The following STK32A variants were observed in gnomAD, a reference collection of about 807,000 sequenced individuals.
STK32A encodes serine/threonine-protein kinase 32A.
STK32A carries 41 observed loss-of-function variants against 53.2 expected under a neutral mutation model. The ratio of observed to expected loss-of-function variants is 0.77; its 90% CI spans 0.60 to 1.00. The LOEUF is 1.00. Ranked by LOEUF, STK32A falls within the 50% of genes least tolerant of loss-of-function variation. The probability of loss-of-function intolerance (pLI) is 0.00; values close to 1 mark genes in which losing one functional copy is unlikely to be tolerated. For synonymous variants in STK32A, 166 were observed against 162.8 expected, an observed-to-expected ratio of 1.02 and a Z score of -0.15; for missense variants, 458 against 485.8, an observed-to-expected ratio of 0.94 and a Z score of 0.54.
intron 12 of STK32A, 23 bp downstream of exon 12, chr5:147,383,528 A>G (rs1318885951): frequency 1.9e-6 from 3 of 1,551,746 alleles, no homozygotes; most frequent in Admixed American, 1.9e-5. Context: ...TGGGAGAACA[A>G]CAGCCCCAGA....
the STK32A span, among the ~76,000 whole-genome samples, chr5:147,394,331 C>T: frequency 6.6e-6 from 1 of 152,158 alleles, no homozygotes; most frequent in African/African-American, 2.4e-5. Context: ...TAGGAAAAGC[C>T]AAGTTCTTAT....
the STK32A span, chr5:147,400,641 G>A: frequency 6.3e-7 from 1 of 1,598,850 alleles, no homozygotes; most frequent in Non-Finnish European, 8.5e-7. Context: ...TTCTGATCTG[G>A]CCCATGGATG....
intron 2 of STK32A, among the ~76,000 whole-genome samples, chr5:147,244,238 C>T (rs550533271): frequency 1.3e-5 from 2 of 152,170 alleles, no homozygotes; most frequent in Non-Finnish European, 1.5e-5. Context: ...AAGTCTGAGT[C>T]GTATTCCATT....
At chr5:147,249,061 A>G (rs1313685871) in intron 2 of STK32A, among the ~76,000 whole-genome samples, 1 of 152,172 alleles carries the variant, frequency 6.6e-6, no homozygotes, top group Non-Finnish European at 1.5e-5. Context: ...CAACTACGAC[A>G]AAGCTTTTCT....
At chr5:147,255,008 C>T (rs1754164523) in intron 2 of STK32A, among the ~76,000 whole-genome samples, 2 of 152,072 alleles carry the variant, frequency 1.3e-5, no homozygotes, top group African/African-American at 4.8e-5. Context: ...GGCGTGGTGG[C>T]AGGCACCTGT....
chr5:147,313,703 AG>A (rs2151972540), intron 4 of STK32A, among the ~76,000 whole-genome samples: 1 of 152,362 alleles, frequency 6.6e-6, no homozygotes, highest in African/African-American at 2.4e-5. Flanking sequence ...ACAATAATCA[AG>A]ATAGGGTGGT....
At chr5:147,350,203 T>C (rs1415666823) in intron 6 of STK32A, among the ~76,000 whole-genome samples, 1 of 127,382 alleles carries the variant, frequency 7.9e-6, no homozygotes, top group African/African-American at 3.0e-5. Context: ...AACAGTTATT[T>C]TGCTGGGAAC....
At chr5:147,297,293 G>C (rs1015183695) in intron 4 of STK32A, among the ~76,000 whole-genome samples, 3 of 152,290 alleles carry the variant, frequency 2.0e-5, no homozygotes, top group African/African-American at 7.2e-5. Context: ...AGGCCCCAAA[G>C]CCCTATATGC....
At chr5:147,236,818 C>T (rs13165524) in intron 1 of STK32A, among the ~76,000 whole-genome samples, 27,409 of 152,042 alleles carry the variant, frequency 0.18, 3,118 homozygotes, top group Non-Finnish European at 0.24. Flanking sequence ...CTTTCTGATT[C>T]GACAACTTGC....
intron 6 of STK32A, among the ~76,000 whole-genome samples, chr5:147,346,126 C>T (rs1755673796): frequency 6.6e-6 from 1 of 152,180 alleles, no homozygotes; most frequent in Non-Finnish European, 1.5e-5. Context: ...CTGTTGTTCA[C>T]CTCTCCCCAG....
At chr5:147,383,614 T>C in intron 12 of STK32A, 109 bp downstream of exon 12, 1 of 1,007,984 alleles carries the variant, frequency 9.9e-7, no homozygotes, top group Non-Finnish European at 1.4e-6. Flanking sequence ...ATTTTCTAAT[T>C]GGGAAAATGA....
intron 2 of STK32A, among the ~76,000 whole-genome samples, chr5:147,257,846 G>A (rs1228160006): frequency 6.6e-6 from 1 of 152,180 alleles, no homozygotes; most frequent in Non-Finnish European, 1.5e-5. Context: ...GATAAACCAA[G>A]TATATAATTT....
At chr5:147,293,705 T>C (rs934140396) in intron 4 of STK32A, among the ~76,000 whole-genome samples, 4 of 152,030 alleles carry the variant, frequency 2.6e-5, no homozygotes, top group East Asian at 1.9e-4. Context: ...AGAGACCTAA[T>C]AGGGACAGCA....
At chr5:147,375,777 G>C (rs1330376468) in intron 11 of STK32A, 1 of 152,288 alleles carries the variant, frequency 6.6e-6, no homozygotes, top group Non-Finnish European at 1.5e-5. Context: ...AATTAACTTT[G>C]TAACTAAGTA....
the STK32A span, chr5:147,394,124 C>G: frequency 1.2e-6 from 2 of 1,613,858 alleles, no homozygotes; most frequent in Non-Finnish European, 1.7e-6. Flanking sequence ...ACTTGGGTGC[C>G]TACAGTTGGA....
the STK32A span, among the ~76,000 whole-genome samples, chr5:147,401,248 A>C: frequency 6.6e-6 from 1 of 152,196 alleles, no homozygotes; most frequent in Non-Finnish European, 1.5e-5. Flanking sequence ...TCACTCATAA[A>C]GTTGTTAGGA....
intron 5 of STK32A, among the ~76,000 whole-genome samples, chr5:147,327,603 T>C (rs1754663942): frequency 6.6e-6 from 1 of 152,252 alleles, no homozygotes; most frequent in Admixed American, 6.5e-5. Flanking sequence ...GGCTGCTGTT[T>C]GCTTAGGGTT....
At chr5:147,336,435 C>T (rs1410536546) in intron 5 of STK32A, among the ~76,000 whole-genome samples, 1 of 152,120 alleles carries the variant, frequency 6.6e-6, no homozygotes, top group East Asian at 1.9e-4. Flanking sequence ...CATCAGCATC[C>T]CTTCTGATGA....
At chr5:147,391,873 C>T (rs546225404), downstream of STK32A, 6 of 152,230 alleles carry the variant, frequency 3.9e-5, no homozygotes, top group Middle Eastern at 3.4e-3. Context: ...TGGTTCACTT[C>T]GGAAGTCCCA....
Sources: gnomAD v4.1 joint callset for allele counts (sites outside exome capture counted in the v4.1 genomes callset) on GRCh38, gnomAD v4.1.1 for gene constraint, MANE v1.5 for transcripts, NCBI Gene and HGNC (gene_info 2026-07-23, HGNC 2026-07-21) for gene names.